GYG1: variants seen among roughly 807,000 people sequenced by gnomAD.
GYG1 encodes glycogenin 1.
In GYG1, 44 loss-of-function variants were observed where a neutral mutation model predicts 41.9. That is an observed-to-expected ratio of 1.05 (90% CI 0.83 to 1.35). GYG1 has a LOEUF of 1.35. Among genes scored for constraint, GYG1 ranks in the 40% most tolerant of loss-of-function variants. The probability of loss-of-function intolerance (pLI) is 0.00; values close to 1 mark genes in which losing one functional copy is unlikely to be tolerated. For missense variants in GYG1, 429 were observed against 418.9 expected (o/e 1.02, Z -0.21); for synonymous variants, 141 against 158.1 (o/e 0.89, Z 0.81).
rs375760384 is a variant in GYG1 at position 149,029,246 on chromosome 3, G to C, written c.*2313G>C. 2.6e-5 allele frequency among the ~76,000 whole-genome samples: 4 copies of C among 152,312 alleles called. 1 individual carries two copies. Among genetic ancestry groups the C allele is most frequent in the Admixed American group, 6.5e-5 (1 of 15,300 alleles). On this transcript the variant is annotated 3_prime_UTR_variant, in exon 8 of 8. Coordinates refer to ENST00000345003, the MANE Select transcript of GYG1 (RefSeq NM_004130.4). ...TGGAAAATCTTTTCTAGGGAGTCCA[G>C]AATACTAAGGGTTACTTAGTAAAAT...
At chr3:149,007,512 G>GT (rs1197380644) in intron 4 of GYG1, among the ~76,000 whole-genome samples, 1 of 152,180 alleles carries the variant, frequency 6.6e-6, no homozygotes, top group Non-Finnish European at 1.5e-5. Context: ...TTGATTGAAG[G>GT]TATTTGGAAA....
chr3:148,993,468 G>A (rs907140826), intron 1 of GYG1, among the ~76,000 whole-genome samples: 1 of 152,130 alleles, frequency 6.6e-6, no homozygotes, highest in Non-Finnish European at 1.5e-5. Flanking sequence ...GCCTCTTTGA[G>A]GAGCTGATAC....
chr3:149,017,770 G>GT (rs559013912), intron 5 of GYG1, among the ~76,000 whole-genome samples: 3,513 of 132,034 alleles, frequency 0.027, 96 homozygotes, highest in African/African-American at 0.067. Flanking sequence ...TGCCCAGCTA[G>GT]TTTTTTTTTT....
At chr3:149,010,891 A>T (rs181761834) in intron 5 of GYG1, among the ~76,000 whole-genome samples, 27 of 152,266 alleles carry the variant, frequency 1.8e-4, no homozygotes, top group Middle Eastern at 3.4e-3. Flanking sequence ...TTCACTCCTC[A>T]TATTTCATTA....
chr3:149,013,745 A>G (rs996320002), intron 5 of GYG1, among the ~76,000 whole-genome samples: 1 of 152,214 alleles, frequency 6.6e-6, no homozygotes, highest in African/African-American at 2.4e-5. Context: ...TGTGAATTCT[A>G]TCGTCCCTGT....
intron 4 of GYG1, among the ~76,000 whole-genome samples, chr3:149,006,473 A>G (rs1006952192): frequency 2.6e-5 from 4 of 152,128 alleles, no homozygotes; most frequent in Admixed American, 6.5e-5. Context: ...TACTTTTATT[A>G]TTTGATGTTA....
At chr3:148,995,073 C>T (rs1386093471) in intron 2 of GYG1, among the ~76,000 whole-genome samples, 11 of 152,216 alleles carry the variant, frequency 7.2e-5, no homozygotes, top group African/African-American at 1.4e-4. Context: ...GGCATGGTGG[C>T]GCGTGCCTGT....
intron 5 of GYG1, among the ~76,000 whole-genome samples, chr3:149,015,624 C>G (rs1713978396): frequency 6.6e-6 from 1 of 152,066 alleles, no homozygotes; most frequent in South Asian, 2.1e-4. Flanking sequence ...GTGGAGGTTC[C>G]TGGTGACTTT....
rs778779934 is a variant in GYG1, at chr3:149,028,789, C to T, written c.*1856C>T. ...AGGCTGGAGTGCAGTGGTGCAGTCT[C>T]GGCTCACTGCAACCTCTGCCTCCTG... On this transcript the variant is annotated 3_prime_UTR_variant, in exon 8 of 8. Transcript: ENST00000345003. Among the ~76,000 whole-genome samples the T allele has an allele frequency of 8.1e-5, 12 of 148,768 alleles. No individual in the cohort carries two copies. Among genetic ancestry groups the T allele is most frequent in the Admixed American group, 1.3e-4 (2 of 14,826 alleles).
chr3:148,991,851 C>G (rs1712491645), intron 1 of GYG1, among the ~76,000 whole-genome samples: 1 of 152,220 alleles, frequency 6.6e-6, no homozygotes, highest in South Asian at 2.1e-4. Flanking sequence ...GATGGGGCAG[C>G]CGGGCAGAGC....
At chr3:149,024,939 A>G (rs182386708) in intron 6 of GYG1, among the ~76,000 whole-genome samples, 1 of 152,358 alleles carries the variant, frequency 6.6e-6, no homozygotes, top group Admixed American at 6.5e-5. Flanking sequence ...ATAAGAGAAC[A>G]GAATGGTGGT....
In GYG1 at chr3:148,997,100, A is replaced by G. The variant is rs59698464; in HGVS notation, c.481+196A>G. Among the ~76,000 whole-genome samples, 11,575 of 151,914 alleles carry G rather than the reference A, an allele frequency of 0.076. 517 individuals carry two copies. Among genetic ancestry groups the G allele is most frequent in the South Asian group, 0.15 (742 of 4,812 alleles). On this transcript the variant is annotated intron_variant, in intron 4 of 7. Coordinates refer to ENST00000345003, the MANE Select transcript of GYG1 (RefSeq NM_004130.4). ...TGTGTGTGTAAATGCATCTTTTTCT[A>G]TAGATGTGAAAGATTAACCTAAACT...
chr3:149,027,871 G>A lies in GYG1; in HGVS notation c.*938G>A, dbSNP rs1260773185. ...AAACTTACATAGTGTCATCCACACT[G>A]CACCTCTCTATTAAGTGGGTATTTA... On this transcript the variant is annotated 3_prime_UTR_variant, in exon 8 of 8. Coordinates refer to ENST00000345003, the MANE Select transcript of GYG1 (RefSeq NM_004130.4). Among the ~76,000 whole-genome samples the A allele has an allele frequency of 6.6e-6, 1 of 152,200 alleles. No individual in the cohort carries two copies. Among genetic ancestry groups the A allele is most frequent in the Admixed American group, 6.5e-5 (1 of 15,286 alleles).
chr3:149,000,508 T>G (rs750367082), intron 4 of GYG1, among the ~76,000 whole-genome samples: 16 of 152,232 alleles, frequency 1.1e-4, no homozygotes, highest in Non-Finnish European at 2.2e-4. Flanking sequence ...TTCTGCCACA[T>G]CGGTGAAATG....
intron 4 of GYG1, among the ~76,000 whole-genome samples, chr3:149,003,277 A>G (rs1713204355): frequency 6.6e-6 from 1 of 151,764 alleles, no homozygotes; most frequent in Admixed American, 6.6e-5. Flanking sequence ...CACCATGCGC[A>G]GCTAATTTTT....
intron 5 of GYG1, among the ~76,000 whole-genome samples, chr3:149,014,810 G>A (rs2107909766): frequency 6.6e-6 from 1 of 151,266 alleles, no homozygotes; most frequent in East Asian, 1.9e-4. Flanking sequence ...AGAGGTTGGA[G>A]TGAGCTGAGA....
At position 148,996,860 on chromosome 3, in the gene GYG1, A is replaced by G. The variant is rs1252919588; in HGVS notation, c.437A>G (p.Tyr146Cys). The change falls in exon 4 of 8, where the codon TAC becomes TGC. Residue 146 changes from tyrosine to cysteine, a missense_variant. Coordinates refer to ENST00000345003, the MANE Select transcript of GYG1 (RefSeq NM_004130.4). The stretch of plus-strand genomic sequence containing the variant: ...GTTTATCAGCCTTCAGTTGAAACAT[A>G]CAATCAGCTGTTGCATCTTGCTTCT... Reference protein sequence around the residue: ...VFVYQPSVETYNQLLHLASEQ... With the variant: ...VFVYQPSVETCNQLLHLASEQ... 5 of 1,613,728 alleles carry G rather than the reference A, an allele frequency of 3.1e-6. No individual in the cohort carries two copies. The highest frequency in any genetic ancestry group is 4.2e-6 in the Non-Finnish European group (5 of 1,179,614).
intron 5 of GYG1, among the ~76,000 whole-genome samples, chr3:149,019,068 T>TTAA (rs545172742): frequency 2.5e-5 from 3 of 119,094 alleles, no homozygotes; most frequent in Non-Finnish European, 3.5e-5. Context: ...GACACTGTCT[T>TTAA]AAAAAAAAAA....
chr3:149,015,018 A>ATGTG (rs1713939494), intron 5 of GYG1, among the ~76,000 whole-genome samples: 2 of 152,210 alleles, frequency 1.3e-5, no homozygotes, highest in African/African-American at 4.8e-5. Context: ...AATTTCACAT[A>ATGTG]AAACCCAGGT....
Sources: gnomAD v4.1 joint callset for allele counts (sites outside exome capture counted in the v4.1 genomes callset) on GRCh38, gnomAD v4.1.1 for gene constraint, MANE v1.5 for transcripts, NCBI Gene and HGNC (gene_info 2026-07-23, HGNC 2026-07-21) for gene names.